Variants in LMOD1 observed in about 807,000 individuals in gnomAD.
LMOD1 encodes leiomodin-1.
LMOD1 carries 8 observed loss-of-function variants against 36.5 expected under a neutral mutation model. The ratio of observed to expected loss-of-function variants is 0.22; its 90% confidence interval spans 0.13 to 0.40. LMOD1 has a LOEUF of 0.40. LMOD1 is among the 10% of genes least tolerant of loss of function. LMOD1 has a pLI of 1.00. For missense variants in LMOD1, 630 were observed against 751.1 expected (o/e 0.84, Z 1.88); for synonymous variants, 284 against 288.7 (o/e 0.98, Z 0.17).
intron 1 of LMOD1, among the ~76,000 whole-genome samples, chr1:201,928,131 G>A: frequency 6.6e-6 from 1 of 152,196 alleles, no homozygotes; most frequent in East Asian, 1.9e-4. Context: ...CCAGATACAG[G>A]CCCTTGATCT....
rs1681320181 is a variant in LMOD1 at position 201,901,616 on chromosome 1, ATATATGTGTG to A, written c.262-875_262-866del. On this transcript the variant is annotated intron_variant, in intron 1 of 2. Coordinates refer to ENST00000367288, the MANE Select transcript of LMOD1 (RefSeq NM_012134.3). ...TATATGTATATATATATATACACAT[ATATATGTGTG>A]TGTGTATATATATATATATATACAT... Among the ~76,000 whole-genome samples the A allele has an allele frequency of 8.8e-4, 27 of 30,568 alleles. 5 individuals carry two copies. In the Admixed American group the frequency reaches 9.9e-3, roughly 11 times the overall value. The allele number at this position is 30,568 out of a possible 152,430, so 20.1% of individuals were successfully genotyped here.
In LMOD1 at chr1:201,899,435, T is replaced by C. The variant is rs748333717; in HGVS notation, c.1578A>G (p.Lys526=). 1 of 1,613,692 alleles carries C rather than the reference T, an allele frequency of 6.2e-7. No homozygotes were observed. The highest frequency in any genetic ancestry group is 8.5e-7 in the Non-Finnish European group (1 of 1,179,754). ...GTGGGGCAGCTGGAGCACCCCCTTT[T>C]TTGGGTGAGTTCTTTGGAGAGGGCT... ...SPKPSPKNSP[K]KGGAPAAPPP... Residue 526 remains lysine (K), a synonymous_variant, in exon 2 of 3, where the codon AAA becomes AAG. Transcript: ENST00000367288. The surrounding 1 kb of genome is among the most constrained non-coding windows in gnomAD (Gnocchi z 6.3).
intron 1 of LMOD1, among the ~76,000 whole-genome samples, chr1:201,914,918 G>T (rs1354597942): frequency 1.3e-5 from 2 of 151,978 alleles, no homozygotes. Context: ...CCTTCCAGCT[G>T]TAGCGCCAGC....
At chr1:201,931,535 CAAA>C (rs11334173) in intron 1 of LMOD1, among the ~76,000 whole-genome samples, 1,093 of 82,382 alleles carry the variant, frequency 0.013, 15 homozygotes, top group African/African-American at 0.049. Flanking sequence ...GAGACTCTGT[CAAA>C]AAAAAAAAAA....
At chr1:201,912,933 G>A (rs370536588) in intron 1 of LMOD1, among the ~76,000 whole-genome samples, 1 of 152,154 alleles carries the variant, frequency 6.6e-6, no homozygotes, top group African/African-American at 2.4e-5. Context: ...ACACCAGGGT[G>A]TTTGGTTACC....
chr1:201,933,466 A>G (rs1571590526), intron 1 of LMOD1, among the ~76,000 whole-genome samples: 1 of 150,608 alleles, frequency 6.6e-6, no homozygotes, highest in Middle Eastern at 3.5e-3. Flanking sequence ...CACAAACATA[A>G]AGTTGAGTGA....
intron 1 of LMOD1, among the ~76,000 whole-genome samples, chr1:201,930,445 T>A (rs909462206): frequency 6.6e-6 from 1 of 152,034 alleles, no homozygotes; most frequent in Non-Finnish European, 1.5e-5. Flanking sequence ...CTGGAGACAC[T>A]GGGAGAGGGA....
rs1277842765 is a variant in LMOD1 at position 201,900,612 on chromosome 1, A to G, written c.401T>C (p.Phe134Ser). 6.2e-7 allele frequency: 1 copy of G among 1,613,418 alleles called. No homozygotes were observed. Among genetic ancestry groups the G allele is most frequent in the Non-Finnish European group, 8.5e-7 (1 of 1,179,840 alleles). ...EPKRGGLKKS[F>S]SRDRDEAGGK... is the part of the protein sequence containing the mutation. ...ACCAGCTTCATCTCTGTCTCTAGAG[A>G]AGCTTTTCTTTAAACCACCCCTCTT... The change falls in exon 2 of 3, where the codon TTC (phenylalanine) becomes TCC (serine). Residue 134 changes from phenylalanine to serine, a missense_variant. Physicochemically the swap from Phe to Ser is radical, Grantham distance 155. This residue lies in a region of LMOD1 where 405 missense variants were observed against 400.6 expected (regional missense o/e 1.01). Transcript: ENST00000367288.
intron 1 of LMOD1, among the ~76,000 whole-genome samples, chr1:201,909,176 C>T (rs1042101145): frequency 6.6e-6 from 1 of 152,224 alleles, no homozygotes; most frequent in Non-Finnish European, 1.5e-5. Context: ...TCCATTCCCA[C>T]CCTGCCTGAC....
chr1:201,913,036 C>G (rs1351020969), intron 1 of LMOD1, among the ~76,000 whole-genome samples: 3 of 152,154 alleles, frequency 2.0e-5, no homozygotes, highest in Non-Finnish European at 2.9e-5. Flanking sequence ...GCTCCCAGAG[C>G]CTGCCCACCA....
Position 201,896,653 on chromosome 1 carries a change from C to T in LMOD1, c.*1719G>A, listed in dbSNP as rs1314462111. ...CAGTGGGACTGACAGTGAGGGCTGA[C>T]AGTGGAAGCTCTAGCTGGCCTTAGC... On this transcript the variant is annotated 3_prime_UTR_variant, in exon 3 of 3. Coordinates refer to ENST00000367288, the MANE Select transcript of LMOD1 (RefSeq NM_012134.3). The T allele has an allele frequency of 2.2e-6, 1 of 456,624 alleles. No homozygotes were observed. 28.3% of individuals were successfully genotyped at this position (456,624 alleles called of 1,614,324 possible).
chr1:201,917,265 G>A (rs984487333), intron 1 of LMOD1, among the ~76,000 whole-genome samples: 3 of 152,184 alleles, frequency 2.0e-5, no homozygotes, highest in South Asian at 2.1e-4. Flanking sequence ...CCTGCCAAGA[G>A]CCATCAAGAG....
intron 1 of LMOD1, among the ~76,000 whole-genome samples, chr1:201,902,367 C>T (rs187248566): frequency 8.0e-4 from 122 of 152,026 alleles, no homozygotes; most frequent in African/African-American, 2.6e-3. Flanking sequence ...TTTTGACCCC[C>T]GAGACACTGA....
At chr1:201,938,837 G>A (rs902944397) in intron 1 of LMOD1, among the ~76,000 whole-genome samples, 1 of 152,212 alleles carries the variant, frequency 6.6e-6, no homozygotes, top group Non-Finnish European at 1.5e-5. Context: ...GGGCCCCAGG[G>A]ACAGCTGAAG....
intron 1 of LMOD1, among the ~76,000 whole-genome samples, chr1:201,930,419 C>T (rs1409143165): frequency 1.3e-5 from 2 of 152,094 alleles, no homozygotes; most frequent in African/African-American, 2.4e-5. Flanking sequence ...CAACAGGATC[C>T]TATCACTAGG....
intron 1 of LMOD1, among the ~76,000 whole-genome samples, chr1:201,901,591 TATATGTATATATATATATACAC>T (rs1681317411): frequency 3.1e-5 from 1 of 32,330 alleles, no homozygotes; most frequent in Non-Finnish European, 6.0e-5. Context: ...TATACATATA[TATATGTATATATATATATACAC>T]ATATATATGT....
At position 201,940,023 on chromosome 1, in the gene LMOD1, C is replaced by T. The variant is rs931220684; in HGVS notation, c.261+6057G>A. 2.0e-5 allele frequency among the ~76,000 whole-genome samples: 3 copies of T among 152,122 alleles called. No homozygotes were observed. The South Asian group carries it at 6.2e-4, about 32-fold the overall frequency. On this transcript the variant is annotated intron_variant, in intron 1 of 2. Transcript: ENST00000367288. The stretch of plus-strand genomic sequence containing the variant: ...GAATCCCTGAAGCCTCCAGCCTTCT[C>T]TGATGCTGGGAGCAACCTCCCCTTG...
chr1:201,915,129 T>C (rs1681581139), intron 1 of LMOD1, among the ~76,000 whole-genome samples: 1 of 152,220 alleles, frequency 6.6e-6, no homozygotes, highest in African/African-American at 2.4e-5. Flanking sequence ...TCTGGCGCTA[T>C]TGGCCAGGTC....
intron 1 of LMOD1, among the ~76,000 whole-genome samples, chr1:201,923,472 G>T (rs1474545770): frequency 6.6e-6 from 1 of 152,096 alleles, no homozygotes; most frequent in Non-Finnish European, 1.5e-5. Context: ...TGTAATCCCA[G>T]CTACTCAGGA....
Sources: allele counts gnomAD v4.1 joint callset (sites outside exome capture counted in the v4.1 genomes callset), GRCh38; gene constraint gnomAD v4.1.1; regional missense constraint gnomAD v4.1.1; non-coding constraint Gnocchi (gnomAD v3.1); transcripts MANE v1.5; gene names NCBI Gene and HGNC (gene_info 2026-07-23, HGNC 2026-07-21).